Variants in IL12RB2 observed in about 807,000 individuals in gnomAD.
The protein encoded by IL12RB2 is interleukin-12 receptor subunit beta-2.
A neutral mutation model predicts 89.4 loss-of-function variants in IL12RB2; 82 were observed. The observed-to-expected ratio is 0.92, with a 90% confidence interval of 0.77 to 1.10. IL12RB2 has a LOEUF of 1.10. Among genes scored for constraint, IL12RB2 ranks in the 50% least tolerant of loss-of-function variants. The pLI is 0.00. For synonymous variants in IL12RB2, 368 were observed against 370.1 expected, an observed-to-expected ratio of 0.99 and a Z score of 0.07; for missense variants, 963 against 1,031.9, an observed-to-expected ratio of 0.93 and a Z score of 0.92.
chr1:67,394,242 CTG>C (rs1357462771), intron 16 of IL12RB2, among the ~76,000 whole-genome samples: 4 of 152,180 alleles, frequency 2.6e-5, no homozygotes, highest in Non-Finnish European at 5.9e-5. Context: ...GGAATCTTGA[CTG>C]TGCATGTAAG....
In IL12RB2 at chr1:67,321,641, A is replaced by G. The variant is rs761834276; in HGVS notation, c.116A>G (p.His39Arg). 1.6e-5 allele frequency: 25 copies of G among 1,606,718 alleles called. No homozygotes were observed. The Admixed American group carries it at 3.0e-4, about 19-fold the overall frequency. The part of the protein sequence containing the change: ...KRGDVTVKPS[H>R]VILLGSTVNI... The stretch of plus-strand genomic sequence containing the variant: ...GGCGATGTGACTGTGAAGCCTTCCC[A>G]TGTAATTTTACTTGGATCCACTGTC... The change falls in exon 4 of 17, where the codon CAT (histidine) becomes CGT (arginine). Residue 39 changes from histidine (H) to arginine (R), a missense_variant. Coordinates refer to ENST00000674203, the MANE Select transcript of IL12RB2 (RefSeq NM_001374259.2).
chr1:67,370,669 T>TA (rs1009417587), intron 11 of IL12RB2, among the ~76,000 whole-genome samples: 1 of 152,006 alleles, frequency 6.6e-6, no homozygotes, highest in Non-Finnish European at 1.5e-5. Flanking sequence ...AGAAAGGAAA[T>TA]AAAAGTCTGA....
Position 67,321,865 on chromosome 1 carries a change from T to A in IL12RB2, c.340T>A (p.Cys114Ser). 1 of 1,614,028 alleles carries A rather than the reference T, an allele frequency of 6.2e-7. No individual in the cohort carries two copies. The change falls in exon 4 of 17, where the codon TGT becomes AGT. Residue 114 changes from cysteine to serine, a missense_variant. Transcript: ENST00000674203. ...TATCAATAGTGATGAAATTCAAATATGTGGAGCAGAGATCTTCGTTGGTGG... is the reference window on the plus strand; with the variant it reads ...TATCAATAGTGATGAAATTCAAATAAGTGGAGCAGAGATCTTCGTTGGTGG... The part of the protein sequence containing the change: ...ACINSDEIQI[C>S]GAEIFVGVAP...
chr1:67,367,402 A>G (rs1662792805), intron 10 of IL12RB2, among the ~76,000 whole-genome samples: 1 of 151,406 alleles, frequency 6.6e-6, no homozygotes, highest in Admixed American at 6.6e-5. Context: ...CTCAAGGAAA[A>G]AAAAAGAAAG....
chr1:67,396,317 T>C lies in IL12RB2; in HGVS notation c.*228T>C, dbSNP rs1666365283. 1 of 603,724 alleles carries C rather than the reference T, an allele frequency of 1.7e-6. No individual in the cohort carries two copies. Among genetic ancestry groups the C allele is most frequent in the African/African-American group, 1.8e-5 (1 of 54,258 alleles). The allele number at this position is 603,724 out of a possible 1,614,324, so 37.4% of individuals were successfully genotyped here. On this transcript the variant is annotated 3_prime_UTR_variant, in exon 17 of 17. Transcript: ENST00000674203. ...AGGGCCTTAAAATTACATCCTTCACTGTGTGGACCTAGAGACTCCAACTTG... is the reference window on the plus strand; with the variant it reads ...AGGGCCTTAAAATTACATCCTTCACCGTGTGGACCTAGAGACTCCAACTTG...
At chr1:67,322,615 G>A (rs1482347600) in intron 4 of IL12RB2, among the ~76,000 whole-genome samples, 1 of 152,118 alleles carries the variant, frequency 6.6e-6, no homozygotes, top group Non-Finnish European at 1.5e-5. Flanking sequence ...AATGCAGCTG[G>A]TTGTTTATAC....
At chr1:67,314,705 A>G (rs923300595) in intron 2 of IL12RB2, among the ~76,000 whole-genome samples, 1 of 152,212 alleles carries the variant, frequency 6.6e-6, no homozygotes, top group Non-Finnish European at 1.5e-5. Context: ...AGCCTAGCAC[A>G]ATACAATTTT....
Position 67,334,935 on chromosome 1 carries a change from G to T in IL12RB2, c.959-3689G>T, listed in dbSNP as rs546345064. Among the ~76,000 whole-genome samples the T allele has an allele frequency of 1.4e-4, 21 of 152,236 alleles. 1 individual carries two copies. Among genetic ancestry groups the T allele is most frequent in the Admixed American group, 7.2e-4 (11 of 15,304 alleles). On this transcript the variant is annotated intron_variant, in intron 8 of 16. Coordinates refer to ENST00000674203, the MANE Select transcript of IL12RB2 (RefSeq NM_001374259.2). ...GCATCATATTTGTGTCTTTTTGCTT[G>T]AGGCTTGAGAATGATTCTTTTCTCT...
chr1:67,362,620 AG>A, intron 10 of IL12RB2, among the ~76,000 whole-genome samples: 1 of 151,206 alleles, frequency 6.6e-6, no homozygotes, highest in Admixed American at 6.6e-5. Flanking sequence ...AAACCATGCA[AG>A]CAAGGAAAGA....
intron 14 of IL12RB2, 101 bp downstream of exon 14, chr1:67,380,224 C>A: frequency 7.7e-7 from 1 of 1,292,502 alleles, no homozygotes; most frequent in Non-Finnish European, 1.1e-6. Flanking sequence ...TTCTTTAATT[C>A]ACTAAAAACT....
In IL12RB2 at chr1:67,328,295, C is replaced by T. The variant is rs1311045187; in HGVS notation, c.575C>T (p.Pro192Leu). 6 of 1,614,160 alleles carry T rather than the reference C, an allele frequency of 3.7e-6. No homozygotes were observed. Among genetic ancestry groups the T allele is most frequent in the Non-Finnish European group, 5.1e-6 (6 of 1,180,010 alleles). Residue 192 changes from proline to leucine, a missense_variant, in exon 6 of 17, where the codon CCT (proline) becomes CTT (leucine). Transcript: ENST00000674203. Reference protein sequence around the residue: ...DFGINLTPESPESNFTAKVTA... With the variant: ...DFGINLTPESLESNFTAKVTA... ...GGAATCAACCTCACCCCTGAATCAC[C>T]TGAATCCAATTTCACAGCCAAGGTT... is the stretch of plus-strand genomic sequence containing the variant.
intron 10 of IL12RB2, among the ~76,000 whole-genome samples, chr1:67,360,130 G>A (rs571797245): frequency 2.4e-4 from 36 of 152,150 alleles, no homozygotes; most frequent in African/African-American, 4.6e-4. Context: ...GGCTGGGCGC[G>A]GTGGCTCACA....
intron 16 of IL12RB2, among the ~76,000 whole-genome samples, chr1:67,391,001 C>G (rs1293822915): frequency 6.7e-6 from 1 of 149,936 alleles, no homozygotes; most frequent in Non-Finnish European, 1.5e-5. Flanking sequence ...AACCTCCACT[C>G]AAAAAAAAAG....
chr1:67,310,766 C>T (rs1287524133), intron 1 of IL12RB2, among the ~76,000 whole-genome samples: 2 of 152,120 alleles, frequency 1.3e-5, no homozygotes, highest in Non-Finnish European at 2.9e-5. Context: ...CTTGCTGTCG[C>T]CAGGCTGGAG....
chr1:67,359,411 A>C (rs1661734831), intron 10 of IL12RB2, among the ~76,000 whole-genome samples: 1 of 152,190 alleles, frequency 6.6e-6, no homozygotes, highest in Non-Finnish European at 1.5e-5. Flanking sequence ...AGAGATGTAA[A>C]TTCAACACAT....
intron 5 of IL12RB2, among the ~76,000 whole-genome samples, chr1:67,327,920 T>C (rs1185139912): frequency 6.6e-6 from 1 of 152,168 alleles, no homozygotes; most frequent in Non-Finnish European, 1.5e-5. Flanking sequence ...GGAGCCAAGA[T>C]GACAAGCAGG....
In IL12RB2 at chr1:67,345,706, A is replaced by C. The variant is rs536569460; in HGVS notation, c.1039-5164A>C. Among the ~76,000 whole-genome samples the C allele has an allele frequency of 2.6e-4, 40 of 152,252 alleles. No homozygotes were observed. In the East Asian group the frequency reaches 7.3e-3, roughly 28 times the overall value. On this transcript the variant is annotated intron_variant, in intron 9 of 16. Transcript: ENST00000674203. ...TATTCAACTCTATCTCCCCCTTCCCAATCCTGGCCCATCACAGGCAGGCAC... is the reference window on the plus strand; with the variant it reads ...TATTCAACTCTATCTCCCCCTTCCCCATCCTGGCCCATCACAGGCAGGCAC...
intron 2 of IL12RB2, among the ~76,000 whole-genome samples, chr1:67,317,561 C>A (rs1655938625): frequency 6.6e-6 from 1 of 152,114 alleles, no homozygotes; most frequent in Non-Finnish European, 1.5e-5. Flanking sequence ...CTTGGTTAAT[C>A]CAGAATAATC....
At chr1:67,319,314 G>A (rs1656192791) in intron 2 of IL12RB2, among the ~76,000 whole-genome samples, 2 of 152,182 alleles carry the variant, frequency 1.3e-5, no homozygotes, top group Non-Finnish European at 2.9e-5. Flanking sequence ...GACCAGTAGA[G>A]CCATTCCTTG....
Sources: allele counts gnomAD v4.1 joint callset (sites outside exome capture counted in the v4.1 genomes callset), GRCh38; gene constraint gnomAD v4.1.1; transcripts MANE v1.5; gene names NCBI Gene and HGNC (gene_info 2026-07-23, HGNC 2026-07-21).